The following AP4E1 variants were observed in gnomAD, a reference collection of about 807,000 sequenced individuals.
AP4E1 encodes the protein adaptor related protein complex 4 subunit epsilon 1.
AP4E1 carries 56 observed loss-of-function variants against 128.2 expected under a neutral mutation model. The ratio of observed to expected loss-of-function variants is 0.44; its 90% CI spans 0.35 to 0.55. The LOEUF (loss-of-function observed/expected upper bound fraction) is 0.55. Ranked by LOEUF, AP4E1 falls within the 20% of genes least tolerant of loss-of-function variation. The pLI is 0.00. For synonymous variants in AP4E1, 484 were observed against 473.1 expected (o/e 1.02, Z -0.30); for missense variants, 1,324 against 1,307.7 (o/e 1.01, Z -0.19).
upstream of AP4E1, among the ~76,000 whole-genome samples, chr15:50,907,886 T>G (rs1567201417): frequency 1.3e-5 from 2 of 152,176 alleles, no homozygotes; most frequent in Non-Finnish European, 2.9e-5. Flanking sequence ...TCGGAATGAA[T>G]AAAATACTCT....
At chr15:50,999,309 A>ATTT in intron 19 of AP4E1, 47 bp downstream of exon 19, 2 of 1,521,826 alleles carry the variant, frequency 1.3e-6, no homozygotes, top group Non-Finnish European at 1.8e-6. Flanking sequence ...TTCACCAACT[A>ATTT]TTTTTTAGAC....
In AP4E1 at chr15:50,941,516, T is replaced by C. The variant is rs960774382; in HGVS notation, c.1018T>C (p.Cys340Arg). 3.7e-6 allele frequency: 6 copies of C among 1,613,162 alleles called. No homozygotes were observed. In the African/African-American group the frequency reaches 8.0e-5, roughly 22 times the overall value. Residue 340 changes from cysteine (C) to arginine (R), a missense_variant, in exon 9 of 21, where the codon TGC becomes CGC. Coordinates refer to ENST00000261842, the MANE Select transcript of AP4E1 (RefSeq NM_007347.5). ...GGAATTACTTGAGAAGGCTGCCAAG[T>C]GCATTGGAAAATTTGTTCTGTCACC... ...KSELLEKAAK[C>R]IGKFVLSPKI...
rs547531228 is a variant in AP4E1, at chr15:50,983,919, G to C, written c.1967-103G>C. On this transcript the variant is annotated intron_variant, in intron 15 of 20. Coordinates refer to ENST00000261842, the MANE Select transcript of AP4E1 (RefSeq NM_007347.5). ...CAAAGTCCTTTAGAGTTTAAAAATG[G>C]CTATTAGTTCCAGGCTTGAATTATT... The C allele has an allele frequency of 5.4e-5, 62 of 1,149,020 alleles. No homozygotes were observed. In the African/African-American group the frequency reaches 8.8e-4, roughly 16 times the overall value. 71.2% of individuals were successfully genotyped at this position (1,149,020 alleles called of 1,614,324 possible).
intron 3 of AP4E1, among the ~76,000 whole-genome samples, chr15:50,917,615 G>A (rs1162282825): frequency 6.6e-6 from 1 of 152,146 alleles, no homozygotes; most frequent in Non-Finnish European, 1.5e-5. Context: ...AGTCTTCTTA[G>A]GGATTGTCTG....
chr15:50,975,291 G>A (rs1360007089), intron 15 of AP4E1, among the ~76,000 whole-genome samples: 1 of 152,184 alleles, frequency 6.6e-6, no homozygotes, highest in African/African-American at 2.4e-5. Flanking sequence ...TGTAATGCCA[G>A]CTACTTGAGA....
intron 4 of AP4E1, among the ~76,000 whole-genome samples, chr15:50,924,636 A>G (rs1278600234): frequency 6.6e-6 from 1 of 152,168 alleles, no homozygotes; most frequent in African/African-American, 2.4e-5. Flanking sequence ...CCAAACTTAA[A>G]AAATATATTT....
At chr15:51,000,934 TTA>T in intron 19 of AP4E1, 90 bp from the exon 20 acceptor site, 1 of 1,042,778 alleles carries the variant, frequency 9.6e-7, no homozygotes, top group Non-Finnish European at 1.4e-6. Flanking sequence ...TTTACAATGA[TTA>T]TGTTTTATTC....
rs28637846 is a variant in AP4E1 at position 50,966,466 on chromosome 15, A to C, written c.1852-1797A>C. ...CACAGTATTATATTAGGGAGTAACT[A>C]CACTTCCGTTTTCCTCCAATAAAAA... is the stretch of plus-strand genomic sequence containing the variant. On this transcript the variant is annotated intron_variant, in intron 14 of 20. Coordinates refer to ENST00000261842, the MANE Select transcript of AP4E1 (RefSeq NM_007347.5). 4.6e-3 allele frequency among the ~76,000 whole-genome samples: 704 copies of C among 151,830 alleles called. 10 individuals are homozygous for C. The highest frequency in any genetic ancestry group is 0.017 in the African/African-American group (685 of 41,342).
chr15:50,908,891 G>T lies in AP4E1; in HGVS notation c.113G>T (p.Ser38Ile), dbSNP rs746511128. 1.9e-6 allele frequency: 3 copies of T among 1,610,570 alleles called. No homozygotes were observed. The highest frequency in any genetic ancestry group is 2.7e-5 in the African/African-American group (2 of 75,030). Residue 38 changes from serine to isoleucine, a missense_variant, in exon 1 of 21, where the codon AGC becomes ATC. Transcript: ENST00000261842. ...AKASFSSRLG[S>I]LVRGITALTS... ...GCGTCCTTCTCCTCGAGGCTGGGCAGCCTTGTCCGCGGCATCACAGCCCTC... is the reference window on the plus strand; with the variant it reads ...GCGTCCTTCTCCTCGAGGCTGGGCATCCTTGTCCGCGGCATCACAGCCCTC...
chr15:50,951,138 A>G (rs780642234), intron 13 of AP4E1, among the ~76,000 whole-genome samples: 10 of 152,226 alleles, frequency 6.6e-5, no homozygotes, highest in Non-Finnish European at 1.0e-4. Context: ...TCAAGAGTCC[A>G]GGTATGGCTT....
chr15:50,915,038 T>C (rs2063612652), intron 2 of AP4E1, among the ~76,000 whole-genome samples: 1 of 152,210 alleles, frequency 6.6e-6, no homozygotes, highest in South Asian at 2.1e-4. Context: ...ATTACCAACT[T>C]GTGGGAATTT....
rs1437076227 is a variant in AP4E1 at position 50,970,125 on chromosome 15, A to G, written c.1966+1748A>G. On this transcript the variant is annotated intron_variant, in intron 15 of 20. Transcript: ENST00000261842. ...CCTTTCCTAGCGCCTAGTATCCTCT[A>G]TTCTAATTTTTACTTCTATGAGATC... 2.0e-5 allele frequency among the ~76,000 whole-genome samples: 3 copies of G among 152,070 alleles called. No individual in the cohort carries two copies. In the East Asian group the frequency reaches 5.8e-4, roughly 29 times the overall value.
chr15:50,913,470 G>A (rs941021025), intron 2 of AP4E1, among the ~76,000 whole-genome samples: 4 of 152,212 alleles, frequency 2.6e-5, no homozygotes, highest in African/African-American at 9.6e-5. Context: ...TTGAAAGGAA[G>A]GTTTTATAAC....
intron 16 of AP4E1, among the ~76,000 whole-genome samples, chr15:50,990,176 A>G (rs2064784298): frequency 6.6e-6 from 1 of 152,112 alleles, no homozygotes; most frequent in Non-Finnish European, 1.5e-5. Flanking sequence ...GGCACACCGT[A>G]GAAAACCATG....
At chr15:51,001,328 G>A (rs1260629811) in intron 20 of AP4E1, 145 bp downstream of exon 20, 6 of 756,118 alleles carry the variant, frequency 7.9e-6, no homozygotes, top group Non-Finnish European at 1.2e-5. Flanking sequence ...TTTTCAGACT[G>A]TATTAAATAA....
At chr15:50,982,304 A>G (rs1192591228) in intron 15 of AP4E1, among the ~76,000 whole-genome samples, 1 of 152,162 alleles carries the variant, frequency 6.6e-6, no homozygotes, top group Non-Finnish European at 1.5e-5. Flanking sequence ...ATAGCAACAT[A>G]AAACGGACTA....
intron 10 of AP4E1, chr15:50,945,895 G>A (rs2064055830): frequency 8.6e-6 from 9 of 1,044,162 alleles, no homozygotes; most frequent in Non-Finnish European, 1.2e-5. Flanking sequence ...CATCATGAAA[G>A]AAGCTCGTCG....
chr15:50,956,638 A>G (rs2064226978), intron 13 of AP4E1, among the ~76,000 whole-genome samples: 1 of 152,144 alleles, frequency 6.6e-6, no homozygotes, highest in African/African-American at 2.4e-5. Context: ...TCATAAAACC[A>G]TCAGCTCTCA....
chr15:50,922,909 C>T (rs1271595480), intron 3 of AP4E1, among the ~76,000 whole-genome samples: 2 of 152,012 alleles, frequency 1.3e-5, no homozygotes, highest in Non-Finnish European at 2.9e-5. Context: ...TCCCGAGTAG[C>T]TGGGACTACA....
Sources: gnomAD v4.1 joint callset for allele counts (sites outside exome capture counted in the v4.1 genomes callset) on GRCh38, gnomAD v4.1.1 for gene constraint, MANE v1.5 for transcripts, NCBI Gene and HGNC (gene_info 2026-07-23, HGNC 2026-07-21) for gene names.